The following SLC10A7 variants were observed in gnomAD, a reference collection of about 807,000 sequenced individuals.
SLC10A7 encodes sodium/bile acid cotransporter 7.
In SLC10A7, 29 loss-of-function variants were observed where a neutral mutation model predicts 43.2. The observed-to-expected ratio is 0.67, with a 90% CI of 0.50 to 0.92. The LOEUF is 0.92. Ranked by LOEUF, SLC10A7 falls within the 40% of genes least tolerant of loss-of-function variation. The pLI, the probability that SLC10A7 is intolerant of heterozygous loss-of-function variation, is 0.00. For synonymous variants in SLC10A7, 152 were observed against 144.8 expected (o/e 1.05, Z -0.35); for missense variants, 295 against 403.2 (o/e 0.73, Z 2.30).
intron 5 of SLC10A7, among the ~76,000 whole-genome samples, chr4:146,441,285 C>T (rs1034068865): frequency 1.3e-5 from 2 of 152,152 alleles, no homozygotes; most frequent in Non-Finnish European, 1.5e-5. Context: ...TTGTACTTCA[C>T]TAGACCTTAC....
chr4:146,467,532 T>G (rs899634325), intron 4 of SLC10A7, among the ~76,000 whole-genome samples: 1 of 150,912 alleles, frequency 6.6e-6, no homozygotes, highest in African/African-American at 2.4e-5. Flanking sequence ...CCTTAGCATG[T>G]TTTTTTGCCC....
At chr4:146,317,236 C>A (rs536233899) in intron 6 of SLC10A7, among the ~76,000 whole-genome samples, 2 of 152,176 alleles carry the variant, frequency 1.3e-5, no homozygotes, top group East Asian at 3.9e-4. Context: ...TGGACAGATG[C>A]ATCCATTCAT....
At chr4:146,438,901 G>C (rs1325261025) in intron 5 of SLC10A7, among the ~76,000 whole-genome samples, 1 of 152,010 alleles carries the variant, frequency 6.6e-6, no homozygotes, top group East Asian at 1.9e-4. Context: ...AGCAACATGT[G>C]AGTTGCCTGA....
chr4:146,279,552 T>C (rs1282552845), intron 10 of SLC10A7, among the ~76,000 whole-genome samples: 1 of 152,208 alleles, frequency 6.6e-6, no homozygotes, highest in African/African-American at 2.4e-5. Context: ...GGAGAGTTCA[T>C]GGCTTTTATG....
At chr4:146,299,278 G>A (rs1241613457) in intron 7 of SLC10A7, among the ~76,000 whole-genome samples, 2 of 152,154 alleles carry the variant, frequency 1.3e-5, no homozygotes, top group South Asian at 2.1e-4. Flanking sequence ...ATATGTGTAC[G>A]GCTAACAGGG....
chr4:146,429,543 T>C (rs1472411021), intron 5 of SLC10A7, among the ~76,000 whole-genome samples: 1 of 151,946 alleles, frequency 6.6e-6, no homozygotes, highest in Non-Finnish European at 1.5e-5. Context: ...ATGTAATAAA[T>C]GACAAATTAT....
chr4:146,515,835 G>A (rs201866407), intron 2 of SLC10A7, among the ~76,000 whole-genome samples: 7 of 144,530 alleles, frequency 4.8e-5, no homozygotes, highest in East Asian at 2.2e-4. Context: ...ACTTGAACCC[G>A]GGAGGCGGAG....
chr4:146,379,961 G>C (rs202217361), intron 5 of SLC10A7, among the ~76,000 whole-genome samples: 8,732 of 140,690 alleles, frequency 0.062, 302 homozygotes, highest in South Asian at 0.17. Flanking sequence ...CTCTCTCTCT[G>C]TGTGTGTGTG....
At chr4:146,286,769 A>C (rs1303438934) in intron 9 of SLC10A7, among the ~76,000 whole-genome samples, 64 of 123,242 alleles carry the variant, frequency 5.2e-4, no homozygotes, top group African/African-American at 2.0e-3. Flanking sequence ...GGTGAGAAGG[A>C]CTGTGTTTGG....
intron 5 of SLC10A7, among the ~76,000 whole-genome samples, chr4:146,360,606 T>TTTTGTTTG (rs1001193864): frequency 6.6e-6 from 1 of 150,464 alleles, no homozygotes; most frequent in Non-Finnish European, 1.5e-5. Flanking sequence ...ACACCTGGCT[T>TTTTGTTTG]TTTGTTTGTT....
At chr4:146,503,416 A>G (rs1378890160) in intron 4 of SLC10A7, among the ~76,000 whole-genome samples, 1 of 152,080 alleles carries the variant, frequency 6.6e-6, no homozygotes, top group African/African-American at 2.4e-5. Flanking sequence ...ACCTAACCTA[A>G]TTTCTTCTTT....
chr4:146,422,755 A>G (rs551074921), intron 5 of SLC10A7, among the ~76,000 whole-genome samples: 1 of 152,216 alleles, frequency 6.6e-6, no homozygotes, highest in East Asian at 1.9e-4. Context: ...ATTGTTTCCT[A>G]GAGAATCAAT....
chr4:146,456,196 A>AT (rs1732037127), intron 4 of SLC10A7, among the ~76,000 whole-genome samples: 1 of 151,962 alleles, frequency 6.6e-6, no homozygotes, highest in South Asian at 2.1e-4. Context: ...TAATGAAATA[A>AT]AAAACAGAAA....
intron 9 of SLC10A7, among the ~76,000 whole-genome samples, chr4:146,290,833 C>T (rs1730395696): frequency 6.6e-6 from 1 of 152,132 alleles, no homozygotes; most frequent in African/African-American, 2.4e-5. Context: ...GCATTCCAGC[C>T]TGGGTGACAG....
chr4:146,371,254 C>CT (rs1252019942), intron 5 of SLC10A7, among the ~76,000 whole-genome samples: 1 of 152,186 alleles, frequency 6.6e-6, no homozygotes, highest in Non-Finnish European at 1.5e-5. Flanking sequence ...AGGCATCCAC[C>CT]TTCTTGTACT....
At chr4:146,275,167 C>T (rs886283612) in intron 10 of SLC10A7, among the ~76,000 whole-genome samples, 3 of 152,120 alleles carry the variant, frequency 2.0e-5, no homozygotes, top group African/African-American at 7.2e-5. Context: ...TAGGCTTGAG[C>T]AAATCTGTTT....
chr4:146,445,749 C>T (rs2149898225), intron 4 of SLC10A7, among the ~76,000 whole-genome samples: 1 of 152,166 alleles, frequency 6.6e-6, no homozygotes, highest in East Asian at 1.9e-4. Flanking sequence ...GGAAAGGGAG[C>T]TGGAAACGGG....
intron 6 of SLC10A7, among the ~76,000 whole-genome samples, chr4:146,324,688 T>G (rs1223511252): frequency 1.3e-5 from 2 of 152,096 alleles, no homozygotes; most frequent in Non-Finnish European, 2.9e-5. Flanking sequence ...TGATCCCAGG[T>G]CTTGGAAATA....
intron 2 of SLC10A7, among the ~76,000 whole-genome samples, chr4:146,516,672 T>C (rs558433526): frequency 7.2e-5 from 11 of 152,018 alleles, no homozygotes; most frequent in African/African-American, 2.7e-4. Flanking sequence ...CCAAAGATGA[T>C]CCACAAAAGT....
Sources: allele counts gnomAD v4.1 joint callset (sites outside exome capture counted in the v4.1 genomes callset), GRCh38; gene constraint gnomAD v4.1.1; transcripts MANE v1.5; gene names NCBI Gene and HGNC (gene_info 2026-07-23, HGNC 2026-07-21).